The following PEX7 variants were observed in gnomAD, a reference collection of about 807,000 sequenced individuals.
PEX7 encodes the protein PTS2 receptor.
Under a neutral mutation model 47.5 loss-of-function variants are expected in PEX7, and 34 were observed. The observed-to-expected ratio is 0.72, with a 90% CI of 0.54 to 0.95. The LOEUF is 0.95. Among genes scored for constraint, PEX7 ranks in the 40% least tolerant of loss-of-function variants. PEX7 has a pLI of 0.00. For synonymous variants in PEX7, 141 were observed against 148.8 expected, an observed-to-expected ratio of 0.95 and a Z score of 0.38; for missense variants, 394 against 400.3, an observed-to-expected ratio of 0.98 and a Z score of 0.13.
intron 9 of PEX7, among the ~76,000 whole-genome samples, chr6:136,899,993 G>A (rs182739711): frequency 2.9e-4 from 44 of 152,336 alleles, no homozygotes; most frequent in Admixed American, 8.5e-4. Flanking sequence ...AGGATCCTAA[G>A]TAAATATTCA....
intron 8 of PEX7, among the ~76,000 whole-genome samples, chr6:136,895,909 G>C (rs1019724610): frequency 6.6e-6 from 1 of 152,212 alleles, no homozygotes; most frequent in African/African-American, 2.4e-5. Flanking sequence ...AATTATGTCT[G>C]TGATTCTGTG....
In PEX7 at chr6:136,823,036, A is replaced by G. The variant is rs1055905408; in HGVS notation, c.130+241A>G. ...CAAGTGCATATACGTGTAGCCTAGT[A>G]GCCCGTGTCCTTGTTCCTTGAGACC... On this transcript the variant is annotated intron_variant, in intron 1 of 9. Transcript: ENST00000318471. 4 of 985,308 alleles carry G rather than the reference A, an allele frequency of 4.1e-6. No individual in the cohort carries two copies. The African/African-American group carries it at 7.0e-5, about 17-fold the overall frequency. The allele number at this position is 985,308 out of a possible 1,614,324, so 61.0% of individuals were successfully genotyped here.
intron 9 of PEX7, among the ~76,000 whole-genome samples, chr6:136,903,092 A>T (rs1775780237): frequency 6.6e-6 from 1 of 152,092 alleles, no homozygotes; most frequent in Non-Finnish European, 1.5e-5. Flanking sequence ...TGTTTCTTAG[A>T]TTTAATTGAA....
chr6:136,903,893 A>T (rs1775796852), intron 9 of PEX7, among the ~76,000 whole-genome samples: 1 of 149,612 alleles, frequency 6.7e-6, no homozygotes, highest in Non-Finnish European at 1.5e-5. Flanking sequence ...GCTGGTCTGG[A>T]TCTCCTGGGC....
intron 8 of PEX7, among the ~76,000 whole-genome samples, chr6:136,882,115 G>C (rs1775385326): frequency 6.6e-6 from 1 of 151,330 alleles, no homozygotes; most frequent in Non-Finnish European, 1.5e-5. Context: ...AGAAATATAT[G>C]AGAAGACGTT....
intron 5 of PEX7, among the ~76,000 whole-genome samples, chr6:136,854,070 C>T (rs1248844885): frequency 1.1e-5 from 1 of 89,556 alleles, no homozygotes; most frequent in African/African-American, 4.7e-5. Flanking sequence ...CCTTCTGTAA[C>T]ATAGTTAACC....
At chr6:136,887,755 T>C (rs572655403) in intron 8 of PEX7, among the ~76,000 whole-genome samples, 1 of 152,208 alleles carries the variant, frequency 6.6e-6, no homozygotes, top group African/African-American at 2.4e-5. Context: ...AAAAGCAAAC[T>C]GTATTTACTC....
chr6:136,895,388 ATAT>A (rs945556047), intron 8 of PEX7, among the ~76,000 whole-genome samples: 14 of 152,268 alleles, frequency 9.2e-5, no homozygotes, highest in Admixed American at 9.2e-4. Context: ...TCACTACTGA[ATAT>A]TATTTTTAAA....
At chr6:136,837,993 G>A (rs1305133753) in intron 3 of PEX7, among the ~76,000 whole-genome samples, 1 of 152,124 alleles carries the variant, frequency 6.6e-6, no homozygotes. Context: ...TCCCTTTCTT[G>A]TATGAGTTTT....
chr6:136,900,929 A>G lies in PEX7; in HGVS notation c.903+2688A>G. On this transcript the variant is annotated intron_variant, in intron 9 of 9. Coordinates refer to ENST00000318471, the MANE Select transcript of PEX7 (RefSeq NM_000288.4). This position sits in a 1 kb window ranked among gnomAD's most constrained non-coding sequence, Gnocchi z 4.2. ...TCCCAGGGCCTGGGTGAACTGGTTCATCACAGGAGGCACTTTTAGGCTCTT... is the reference window on the plus strand; with the variant it reads ...TCCCAGGGCCTGGGTGAACTGGTTCGTCACAGGAGGCACTTTTAGGCTCTT... The G allele has an allele frequency of 4.4e-6, 1 of 225,244 alleles. No homozygotes were observed. Among genetic ancestry groups the G allele is most frequent in the Non-Finnish European group, 8.9e-6 (1 of 112,554 alleles). 14.0% of individuals were successfully genotyped at this position (225,244 alleles called of 1,614,324 possible).
chr6:136,870,335 A>G (rs990857249), intron 7 of PEX7, among the ~76,000 whole-genome samples: 1 of 152,190 alleles, frequency 6.6e-6, no homozygotes, highest in Non-Finnish European at 1.5e-5. Flanking sequence ...ATAAGTTTCT[A>G]ATTAGCGAGA....
At chr6:136,897,892 T>C (rs1013097787) in intron 8 of PEX7, among the ~76,000 whole-genome samples, 1 of 152,012 alleles carries the variant, frequency 6.6e-6, no homozygotes, top group African/African-American at 2.4e-5. Flanking sequence ...AAAGGTATAC[T>C]AATGGGAGTA....
At chr6:136,859,706 C>T (rs1260965805) in intron 5 of PEX7, among the ~76,000 whole-genome samples, 2 of 152,128 alleles carry the variant, frequency 1.3e-5, no homozygotes, top group Admixed American at 6.6e-5. Flanking sequence ...CCAGCACTTC[C>T]TTGCCCATAT....
intron 5 of PEX7, among the ~76,000 whole-genome samples, chr6:136,865,877 A>G (rs1775059781): frequency 6.6e-6 from 1 of 151,958 alleles, no homozygotes; most frequent in Admixed American, 6.6e-5. Context: ...GAGGTCAGGC[A>G]ATCGAGATCA....
intron 4 of PEX7, 105 bp downstream of exon 4, chr6:136,845,797 C>A: frequency 1.2e-6 from 1 of 800,644 alleles, no homozygotes; most frequent in South Asian, 1.5e-5. Context: ...TATGATTCGA[C>A]AGCTGAGCTT....
intron 4 of PEX7, 59 bp from the exon 5 acceptor site, chr6:136,846,014 T>C (rs1582744949): frequency 1.0e-6 from 1 of 959,952 alleles, no homozygotes. Flanking sequence ...ATGTAGTATA[T>C]GTAAAAGCAT....
chr6:136,838,164 A>G (rs1774429086), intron 3 of PEX7, among the ~76,000 whole-genome samples: 1 of 152,254 alleles, frequency 6.6e-6, no homozygotes, highest in Non-Finnish European at 1.5e-5. Context: ...CATTAGTTTA[A>G]GATTGAAACA....
At chr6:136,838,325 A>G (rs1415844040) in intron 3 of PEX7, among the ~76,000 whole-genome samples, 1 of 152,240 alleles carries the variant, frequency 6.6e-6, no homozygotes, top group African/African-American at 2.4e-5. Flanking sequence ...GTAGAGAAAA[A>G]AGTTAATTAC....
At chr6:136,878,447 TA>T (rs1190426167) in intron 8 of PEX7, among the ~76,000 whole-genome samples, 1 of 152,224 alleles carries the variant, frequency 6.6e-6, no homozygotes, top group African/African-American at 2.4e-5. Context: ...GGGTTTGTCA[TA>T]AGTAGCTCTT....
Sources: gnomAD v4.1 joint callset for allele counts (sites outside exome capture counted in the v4.1 genomes callset) on GRCh38, gnomAD v4.1.1 for gene constraint, Gnocchi (gnomAD v3.1) non-coding constraint, MANE v1.5 for transcripts, NCBI Gene and HGNC (gene_info 2026-07-23, HGNC 2026-07-21) for gene names.